SNX2: variants seen among roughly 807,000 people sequenced by gnomAD.
The protein encoded by SNX2 is sorting nexin-2.
A neutral mutation model predicts 69.9 loss-of-function variants in SNX2; 25 were observed. The observed-to-expected ratio is 0.36, with a 90% CI of 0.26 to 0.50. The LOEUF (loss-of-function observed/expected upper bound fraction) is 0.50. SNX2 is among the 20% of genes least tolerant of loss of function. SNX2 has a pLI of 0.97. For missense variants in SNX2, 551 were observed against 613.3 expected (o/e 0.90, Z 1.07); for synonymous variants, 229 against 200.4 (o/e 1.14, Z -1.20).
At chr5:122,801,758 A>C in intron 3 of SNX2, 111 bp from the exon 4 acceptor site, 1 of 681,500 alleles carries the variant, frequency 1.5e-6, no homozygotes, top group East Asian at 2.9e-5. Context: ...TGGGTGGCTA[A>C]ATTATTTGTT....
chr5:122,804,514 C>A (rs918669146), intron 6 of SNX2, among the ~76,000 whole-genome samples: 1 of 151,928 alleles, frequency 6.6e-6, no homozygotes, highest in African/African-American at 2.4e-5. Context: ...TGCAGGCACA[C>A]ACCACCATGC....
intron 2 of SNX2, 43 bp downstream of exon 2, chr5:122,795,426 T>A (rs1316149381): frequency 1.6e-6 from 2 of 1,255,544 alleles, no homozygotes; most frequent in Non-Finnish European, 2.3e-6. Context: ...TCAATTGCAG[T>A]ATATTTTCTA....
chr5:122,781,866 TATAA>T (rs1417865292), intron 1 of SNX2, among the ~76,000 whole-genome samples: 1 of 151,992 alleles, frequency 6.6e-6, no homozygotes, highest in Non-Finnish European at 1.5e-5. Context: ...TTATTAATGT[TATAA>T]ATATGTAAAA....
intron 1 of SNX2, among the ~76,000 whole-genome samples, chr5:122,775,953 C>T (rs1372640428): frequency 1.3e-5 from 2 of 152,134 alleles, no homozygotes; most frequent in African/African-American, 4.8e-5. Flanking sequence ...CTCGCTTGAT[C>T]AGCGATCTCT....
At chr5:122,822,774 G>T (rs1754053044) in intron 11 of SNX2, among the ~76,000 whole-genome samples, 1 of 152,048 alleles carries the variant, frequency 6.6e-6, no homozygotes, top group African/African-American at 2.4e-5. Flanking sequence ...ACTAGAGTAG[G>T]GTCAGAGATT....
chr5:122,809,743 CAGT>C (rs1409695454), intron 7 of SNX2, among the ~76,000 whole-genome samples: 6 of 151,872 alleles, frequency 4.0e-5, no homozygotes, highest in Non-Finnish European at 8.8e-5. Context: ...TTCTAGTTTT[CAGT>C]AGTAAATTGT....
chr5:122,793,443 C>T lies in SNX2; in HGVS notation c.109-1823C>T, dbSNP rs74563275. Among the ~76,000 whole-genome samples, 605 of 152,132 alleles carry T rather than the reference C, an allele frequency of 4.0e-3. 6 individuals are homozygous for T. Among genetic ancestry groups the T allele is most frequent in the South Asian group, 0.014 (69 of 4,802 alleles). Reference sequence around the variant, plus strand: ...TAATTGATCCATACTGGTAGAAGCCCGCATGGTAAAGAATGGGAGGGAGCA... The same window carrying T: ...TAATTGATCCATACTGGTAGAAGCCTGCATGGTAAAGAATGGGAGGGAGCA... On this transcript the variant is annotated intron_variant, in intron 1 of 14. Coordinates refer to ENST00000379516, the MANE Select transcript of SNX2 (RefSeq NM_003100.4).
chr5:122,801,009 G>C (rs1035655684), intron 3 of SNX2, among the ~76,000 whole-genome samples: 1 of 152,118 alleles, frequency 6.6e-6, no homozygotes, highest in East Asian at 1.9e-4. Context: ...GAGGTTTATA[G>C]TGCTTTCCTT....
Position 122,775,189 on chromosome 5 carries a change from C to T in SNX2, c.86C>T (p.Thr29Ile), listed in dbSNP as rs1752827721. The T allele has an allele frequency of 2.5e-6, 4 of 1,588,734 alleles. No homozygotes were observed. The highest frequency in any genetic ancestry group is 1.3e-5 in the African/African-American group (1 of 74,660). The change falls in exon 1 of 15, where the codon ACC becomes ATC. Residue 29 changes from threonine to isoleucine, a missense_variant. Around this residue, in one of 2 missense-constraint regions of SNX2, gnomAD observed 191 missense variants for 162.9 expected, o/e 1.17. Transcript: ENST00000379516. ...EDLEDGEDLF[T>I]STVSTLESSP... ...CTGGAGGACGGAGAGGACCTGTTCACCAGCACTGTCTCCACCCTAGAGGTG... is the reference window on the plus strand; with the variant it reads ...CTGGAGGACGGAGAGGACCTGTTCATCAGCACTGTCTCCACCCTAGAGGTG...
At position 122,829,435 on chromosome 5, in the gene SNX2, C is replaced by T. The variant is rs879536478; in HGVS notation, c.1510-163C>T. Among the ~76,000 whole-genome samples, 6 of 151,916 alleles carry T rather than the reference C, an allele frequency of 3.9e-5. 1 individual carries two copies. The highest frequency in any genetic ancestry group is 2.6e-4 in the Admixed American group (4 of 15,222). On this transcript the variant is annotated intron_variant, in intron 14 of 14. Coordinates refer to ENST00000379516, the MANE Select transcript of SNX2 (RefSeq NM_003100.4). ...GACCAGGCTAGTCTTGAACTCCTGA[C>T]ATCAGGTGATCCACCCATCTCAGCC... is the stretch of plus-strand genomic sequence containing the variant.
chr5:122,828,980 GC>G (rs1754219642), intron 14 of SNX2, among the ~76,000 whole-genome samples: 1 of 151,896 alleles, frequency 6.6e-6, no homozygotes, highest in African/African-American at 2.4e-5. Flanking sequence ...AATTAGCTGG[GC>G]GTGGTGGCGC....
intron 2 of SNX2, among the ~76,000 whole-genome samples, chr5:122,796,270 G>A (rs1753374123): frequency 6.6e-6 from 1 of 152,108 alleles, no homozygotes; most frequent in Admixed American, 6.6e-5. Flanking sequence ...GAATAATTAT[G>A]TTCTCATCTT....
At chr5:122,795,448 A>ATTTTC in intron 2 of SNX2, 65 bp downstream of exon 2, 2 of 1,119,646 alleles carry the variant, frequency 1.8e-6, no homozygotes, top group Non-Finnish European at 2.7e-6. Flanking sequence ...TAGATAGAAA[A>ATTTTC]TATCTAAAAC....
intron 1 of SNX2, among the ~76,000 whole-genome samples, chr5:122,784,642 C>G (rs1753042101): frequency 6.6e-6 from 1 of 151,936 alleles, no homozygotes; most frequent in African/African-American, 2.4e-5. Context: ...TTGCTGGATG[C>G]AATTTGCTAG....
chr5:122,775,151 C>T lies in SNX2; in HGVS notation c.48C>T (p.Thr16=). ...EPPPLGDGKP[T]DFEDLEDGED... ...CTCCGCTGGGGGACGGGAAGCCCAC[C>T]GACTTTGAGGATCTGGAGGACGGAG... Residue 16 remains threonine, a synonymous_variant, in exon 1 of 15, where the codon ACC becomes ACT. Coordinates refer to ENST00000379516, the MANE Select transcript of SNX2 (RefSeq NM_003100.4). The T allele has an allele frequency of 1.3e-6, 2 of 1,596,900 alleles. No homozygotes were observed. Among genetic ancestry groups the T allele is most frequent in the Non-Finnish European group, 1.7e-6 (2 of 1,173,366 alleles).
In SNX2 at chr5:122,815,802, CTTTT is replaced by C. The variant is rs529054858; in HGVS notation, c.723-89_723-86del. On this transcript the variant is annotated intron_variant, in intron 7 of 14. Coordinates refer to ENST00000379516, the MANE Select transcript of SNX2 (RefSeq NM_003100.4). ...AGTCTAATACGAGGTAGTGAGGACA[CTTTT>C]TTTTCCTAGTATTTCTATTTTTTTA... 1.8e-5 allele frequency: 11 copies of C among 607,448 alleles called. No homozygotes were observed. In the East Asian group the frequency reaches 3.2e-4, roughly 18 times the overall value. The allele number at this position is 607,448 out of a possible 1,614,324, so 37.6% of individuals were successfully genotyped here.
chr5:122,818,601 T>A (rs181578482), intron 10 of SNX2, among the ~76,000 whole-genome samples: 9 of 152,354 alleles, frequency 5.9e-5, no homozygotes, highest in African/African-American at 1.9e-4. Context: ...CTTTGGAATA[T>A]AAGCAGTGAT....
At chr5:122,811,791 C>T (rs867133640) in intron 7 of SNX2, among the ~76,000 whole-genome samples, 3 of 151,584 alleles carry the variant, frequency 2.0e-5, no homozygotes, top group East Asian at 1.9e-4. Flanking sequence ...TGTGCCACTG[C>T]GTTCCAGCCT....
At position 122,789,486 on chromosome 5, in the gene SNX2, C is replaced by G. The variant is rs868254977; in HGVS notation, c.109-5780C>G. On this transcript the variant is annotated intron_variant, in intron 1 of 14. Coordinates refer to ENST00000379516, the MANE Select transcript of SNX2 (RefSeq NM_003100.4). ...ACAGACACACACGGACACACACACA[C>G]ACACACACACACACACACTCTTCCT... Among the ~76,000 whole-genome samples the G allele has an allele frequency of 3.6e-4, 55 of 150,820 alleles. No individual in the cohort carries two copies. In the South Asian group the frequency reaches 0.011, roughly 31 times the overall value.
Sources: gnomAD v4.1 joint callset for allele counts (sites outside exome capture counted in the v4.1 genomes callset) on GRCh38, gnomAD v4.1.1 for gene constraint, gnomAD v4.1.1 regional missense constraint, MANE v1.5 for transcripts, NCBI Gene and HGNC (gene_info 2026-07-23, HGNC 2026-07-21) for gene names.